SUCLG2: variants seen among roughly 807,000 people sequenced by gnomAD.
SUCLG2 encodes succinate--CoA ligase [GDP-forming] subunit beta, mitochondrial.
Under a neutral mutation model 47.9 loss-of-function variants are expected in SUCLG2, and 42 were observed. The observed-to-expected ratio is 0.88, with a 90% CI of 0.69 to 1.14. The LOEUF (loss-of-function observed/expected upper bound fraction) is 1.14. SUCLG2 is among the 50% of genes most tolerant of loss of function. The pLI is 0.00. For missense variants in SUCLG2, 571 were observed against 525.9 expected (o/e 1.09, Z -0.84); for synonymous variants, 195 against 197.3 (o/e 0.99, Z 0.10).
intron 9 of SUCLG2, among the ~76,000 whole-genome samples, chr3:67,443,239 G>A (rs144379055): frequency 1.3e-5 from 2 of 152,002 alleles, no homozygotes; most frequent in Non-Finnish European, 2.9e-5. Context: ...AGGGAGTCTG[G>A]AACCAATTCC....
chr3:67,630,368 G>A (rs1314023781), intron 1 of SUCLG2, among the ~76,000 whole-genome samples: 2 of 152,130 alleles, frequency 1.3e-5, no homozygotes, highest in African/African-American at 2.4e-5. Flanking sequence ...TGATGGTCAA[G>A]GACATTAAAC....
rs573517639 is a variant in SUCLG2 at position 67,559,579 on chromosome 3, G to T, written c.227-30393C>A. 7.2e-4 allele frequency among the ~76,000 whole-genome samples: 110 copies of T among 152,176 alleles called. 1 individual carries two copies. The highest frequency in any genetic ancestry group is 3.4e-3 in the Middle Eastern group (1 of 294). On this transcript the variant is annotated intron_variant, in intron 2 of 10. Transcript: ENST00000307227. ...CAAATTCCTCCCTCCATACAGGGAG[G>T]GGACTCCAATTCGGATTTCAATGCA... is the stretch of plus-strand genomic sequence containing the variant.
chr3:67,633,288 C>T (rs1700957272), intron 1 of SUCLG2, among the ~76,000 whole-genome samples: 1 of 152,110 alleles, frequency 6.6e-6, no homozygotes. Flanking sequence ...TACTTACTAG[C>T]AAAATGTATC....
intron 1 of SUCLG2, among the ~76,000 whole-genome samples, chr3:67,642,536 G>T (rs916466168): frequency 3.4e-5 from 5 of 148,956 alleles, no homozygotes; most frequent in African/African-American, 1.2e-4. Context: ...ATTGTGCCCA[G>T]AAGTTCAAGG....
At chr3:67,607,248 T>A (rs6787584) in intron 2 of SUCLG2, among the ~76,000 whole-genome samples, 74,199 of 151,982 alleles carry the variant, frequency 0.49, 19,038 homozygotes, top group African/African-American at 0.64. Context: ...ACCTGAAATG[T>A]GACTAGTCTG....
At chr3:67,550,374 C>T (rs1280130446) in intron 2 of SUCLG2, among the ~76,000 whole-genome samples, 1 of 152,152 alleles carries the variant, frequency 6.6e-6, no homozygotes, top group Admixed American at 6.5e-5. Context: ...GGGTCTCACT[C>T]TATCACCCAG....
At chr3:67,400,262 A>C (rs957300789) in intron 10 of SUCLG2, among the ~76,000 whole-genome samples, 7 of 151,772 alleles carry the variant, frequency 4.6e-5, no homozygotes, top group Non-Finnish European at 8.8e-5. Flanking sequence ...TATAAAATAT[A>C]CCATAAAATA....
At position 67,376,783 on chromosome 3, in the gene SUCLG2, A is replaced by G. The variant is rs1702042388; in HGVS notation, c.1184-924T>C. 2.6e-5 allele frequency among the ~76,000 whole-genome samples: 4 copies of G among 152,200 alleles called. No homozygotes were observed. The South Asian group carries it at 8.3e-4, about 32-fold the overall frequency. On this transcript the variant is annotated intron_variant, in intron 10 of 10. Transcript: ENST00000307227. ...TCCCCTGGGACCCTGGGTCTACCCA[A>G]GCAGCAGTGAAGATGGCCGCTTGGC... is the stretch of plus-strand genomic sequence containing the variant.
chr3:67,601,919 T>C (rs1416373084), intron 2 of SUCLG2, among the ~76,000 whole-genome samples: 1 of 151,936 alleles, frequency 6.6e-6, no homozygotes, highest in Admixed American at 6.6e-5. Flanking sequence ...GAGGCAGAGA[T>C]TGCAGTGAGC....
At chr3:67,594,942 C>T (rs910152363) in intron 2 of SUCLG2, among the ~76,000 whole-genome samples, 3 of 152,074 alleles carry the variant, frequency 2.0e-5, no homozygotes, top group Non-Finnish European at 2.9e-5. Flanking sequence ...TCAGTCTTTC[C>T]AAATGAAATA....
Position 67,612,604 on chromosome 3 carries a change from T to C in SUCLG2, c.85-3008A>G, listed in dbSNP as rs149497018. 4.2e-3 allele frequency among the ~76,000 whole-genome samples: 632 copies of C among 152,282 alleles called. 6 individuals carry two copies. The highest frequency in any genetic ancestry group is 0.014 in the African/African-American group (585 of 41,556). Reference sequence around the variant, plus strand: ...TTTCATGGTTAAAACAATCAGGAAATGTCAAGAATTATTATCTCTCTCTGT... The same window carrying C: ...TTTCATGGTTAAAACAATCAGGAAACGTCAAGAATTATTATCTCTCTCTGT... On this transcript the variant is annotated intron_variant, in intron 1 of 10. Transcript: ENST00000307227.
intron 1 of SUCLG2, among the ~76,000 whole-genome samples, chr3:67,628,132 G>A (rs1253707781): frequency 6.6e-6 from 1 of 152,172 alleles, no homozygotes; most frequent in Non-Finnish European, 1.5e-5. Context: ...GGAATAGGAA[G>A]ACATATATAA....
chr3:67,370,639 T>G (rs1032062820), downstream of SUCLG2, among the ~76,000 whole-genome samples: 4 of 152,162 alleles, frequency 2.6e-5, no homozygotes, highest in South Asian at 4.1e-4. Context: ...TATATCCTTA[T>G]GGAAAGGTTT....
chr3:67,407,736 C>G (rs918612420), intron 9 of SUCLG2, among the ~76,000 whole-genome samples: 1 of 152,254 alleles, frequency 6.6e-6, no homozygotes, highest in African/African-American at 2.4e-5. Context: ...AAAAATCAAG[C>G]AAGCATGTTT....
intron 10 of SUCLG2, among the ~76,000 whole-genome samples, chr3:67,394,960 AC>A (rs966791301): frequency 6.6e-5 from 10 of 152,206 alleles, no homozygotes; most frequent in African/African-American, 2.4e-4. Context: ...TACTTTACAG[AC>A]AAGCAAATGC....
chr3:67,426,557 AAAC>A (rs1703305429), intron 9 of SUCLG2, among the ~76,000 whole-genome samples: 1 of 152,218 alleles, frequency 6.6e-6, no homozygotes, highest in African/African-American at 2.4e-5. Flanking sequence ...TCAAGAAAAT[AAAC>A]TTTTCTCCAG....
At chr3:67,484,688 GAATA>G (rs1705007264) in intron 9 of SUCLG2, among the ~76,000 whole-genome samples, 1 of 152,134 alleles carries the variant, frequency 6.6e-6, no homozygotes, top group Admixed American at 6.5e-5. Context: ...AAAAAGAAGT[GAATA>G]AATAAAGAGA....
intron 9 of SUCLG2, among the ~76,000 whole-genome samples, chr3:67,427,232 G>A (rs1703325996): frequency 6.6e-6 from 1 of 152,150 alleles, no homozygotes; most frequent in Non-Finnish European, 1.5e-5. Flanking sequence ...ATTCACAGGT[G>A]AAACTGAATT....
intron 5 of SUCLG2, among the ~76,000 whole-genome samples, chr3:67,518,923 A>C (rs1406400876): frequency 6.6e-6 from 1 of 152,210 alleles, no homozygotes; most frequent in Non-Finnish European, 1.5e-5. Flanking sequence ...TCTGCATATA[A>C]AGTCTCAATT....
Sources: gnomAD v4.1 joint callset for allele counts (sites outside exome capture counted in the v4.1 genomes callset) on GRCh38, gnomAD v4.1.1 for gene constraint, MANE v1.5 for transcripts, NCBI Gene and HGNC (gene_info 2026-07-23, HGNC 2026-07-21) for gene names.